NR6A1: variants seen among roughly 807,000 people sequenced by gnomAD.
The protein encoded by NR6A1 is nuclear receptor subfamily 6 group A member 1.
Under a neutral mutation model 59.1 loss-of-function variants are expected in NR6A1, and 7 were observed. The ratio of observed to expected loss-of-function variants is 0.12; its 90% CI spans 0.07 to 0.22. The LOEUF is 0.22. Ranked by LOEUF, NR6A1 falls within the 10% of genes least tolerant of loss-of-function variation. NR6A1 has a pLI of 1.00. For synonymous variants in NR6A1, 243 were observed against 236.1 expected (o/e 1.03, Z -0.27); for missense variants, 468 against 611.6 (o/e 0.77, Z 2.48).
At chr9:124,588,386 C>T (rs1834996182) in intron 2 of NR6A1, among the ~76,000 whole-genome samples, 1 of 151,968 alleles carries the variant, frequency 6.6e-6, no homozygotes, top group East Asian at 2.0e-4. Flanking sequence ...CCACTCACTG[C>T]AAGCTCTGCC....
At chr9:124,730,893 A>G (rs1471009861) in intron 2 of NR6A1, among the ~76,000 whole-genome samples, 1 of 152,214 alleles carries the variant, frequency 6.6e-6, no homozygotes. Context: ...CTGATAACAT[A>G]CAAGAACAAG....
chr9:124,541,607 T>C (rs900156858), intron 4 of NR6A1, among the ~76,000 whole-genome samples: 1 of 152,172 alleles, frequency 6.6e-6, no homozygotes, highest in African/African-American at 2.4e-5. Context: ...GCAACCACTA[T>C]GGAAAACAGC....
At chr9:124,531,597 AC>A (rs1399069398) in intron 7 of NR6A1, among the ~76,000 whole-genome samples, 1 of 152,118 alleles carries the variant, frequency 6.6e-6, no homozygotes, top group Non-Finnish European at 1.5e-5. Flanking sequence ...CCAGTGGTTA[AC>A]CTGACTCTAG....
intron 2 of NR6A1, among the ~76,000 whole-genome samples, chr9:124,601,890 G>A (rs892688731): frequency 2.0e-5 from 3 of 151,992 alleles, no homozygotes; most frequent in Non-Finnish European, 2.9e-5. Flanking sequence ...GGAGGTTGCA[G>A]TGAACTGTGA....
At chr9:124,758,282 C>T (rs190431106) in intron 1 of NR6A1, among the ~76,000 whole-genome samples, 280 of 152,310 alleles carry the variant, frequency 1.8e-3, no homozygotes, top group African/African-American at 5.9e-3. Flanking sequence ...CCCCCATGCA[C>T]CTCTCCCCTT....
intron 2 of NR6A1, among the ~76,000 whole-genome samples, chr9:124,679,737 A>G (rs1385910418): frequency 6.7e-6 from 1 of 148,344 alleles, no homozygotes; most frequent in African/African-American, 2.5e-5. Context: ...TAAAAATACA[A>G]AAAAAAAAAA....
At chr9:124,706,386 C>T (rs1457305486) in intron 2 of NR6A1, among the ~76,000 whole-genome samples, 1 of 152,176 alleles carries the variant, frequency 6.6e-6, no homozygotes, top group East Asian at 1.9e-4. Context: ...TCTGGTATCA[C>T]TCCCTTTCAG....
At chr9:124,668,116 T>C (rs530883139) in intron 2 of NR6A1, among the ~76,000 whole-genome samples, 5 of 152,340 alleles carry the variant, frequency 3.3e-5, no homozygotes, top group African/African-American at 9.6e-5. Context: ...AGTTGGTTAA[T>C]ACATATTTTA....
chr9:124,695,044 A>G (rs1319875761), intron 2 of NR6A1, among the ~76,000 whole-genome samples: 1 of 152,242 alleles, frequency 6.6e-6, no homozygotes, highest in African/African-American at 2.4e-5. Context: ...AGCTGGAAGC[A>G]AAGTAAATAA....
chr9:124,678,248 C>G (rs765483087), intron 2 of NR6A1, among the ~76,000 whole-genome samples: 1 of 152,210 alleles, frequency 6.6e-6, no homozygotes, highest in South Asian at 2.1e-4. Flanking sequence ...GATTCCTACA[C>G]GGTCTTAGCC....
Position 124,518,723 on chromosome 9 carries a change from CG to C in NR6A1, c.*3981del, listed in dbSNP as rs1832738355. On this transcript the variant is annotated 3_prime_UTR_variant, in exon 10 of 10. Coordinates refer to ENST00000487099, the MANE Select transcript of NR6A1 (RefSeq NM_033334.4). ...GGGGGAGGCAGGGGAGTAAGAGTAGCGGATTTTTTTGTTAAATTTTGTTTGT... is the reference window on the plus strand; with the variant it reads ...GGGGGAGGCAGGGGAGTAAGAGTAGCGATTTTTTTGTTAAATTTTGTTTGT... 1 of 148,692 alleles carries C rather than the reference CG, an allele frequency of 6.7e-6. No individual in the cohort carries two copies. The highest frequency in any genetic ancestry group is 2.5e-5 in the African/African-American group (1 of 40,326). 9.2% of individuals were successfully genotyped at this position (148,692 alleles called of 1,614,324 possible).
intron 7 of NR6A1, among the ~76,000 whole-genome samples, chr9:124,535,055 C>T (rs188509375): frequency 0.01 from 1,566 of 151,812 alleles, 25 homozygotes; most frequent in African/African-American, 0.036. Context: ...AACCGGGAGG[C>T]GGAGCTTGCA....
At chr9:124,668,140 T>TTA (rs1191014356) in intron 2 of NR6A1, among the ~76,000 whole-genome samples, 2 of 152,226 alleles carry the variant, frequency 1.3e-5, no homozygotes, top group Non-Finnish European at 2.9e-5. Flanking sequence ...GTTATATGTG[T>TTA]TATATATTGT....
chr9:124,552,582 G>A (rs968735093), intron 3 of NR6A1, among the ~76,000 whole-genome samples: 5 of 152,158 alleles, frequency 3.3e-5, no homozygotes, highest in Non-Finnish European at 7.4e-5. Context: ...GTCCGTGTCC[G>A]TATTAAGCAG....
chr9:124,668,884 G>T lies in NR6A1; in HGVS notation c.142+64424C>A, dbSNP rs974467735. Among the ~76,000 whole-genome samples the T allele has an allele frequency of 8.5e-5, 13 of 152,072 alleles. No individual in the cohort carries two copies. The East Asian group carries it at 2.3e-3, about 27-fold the overall frequency. On this transcript the variant is annotated intron_variant, in intron 2 of 9. Coordinates refer to ENST00000487099, the MANE Select transcript of NR6A1 (RefSeq NM_033334.4). Reference sequence around the variant, plus strand: ...ACTGAGAATGTGCTATACATAATTAGCTGCTACCCAAATATAATACAGTTT... The same window carrying T: ...ACTGAGAATGTGCTATACATAATTATCTGCTACCCAAATATAATACAGTTT...
chr9:124,599,594 C>T lies in NR6A1; in HGVS notation c.143-45024G>A, dbSNP rs973567741. 41 of 1,161,350 alleles carry T rather than the reference C, an allele frequency of 3.5e-5. No individual in the cohort carries two copies. The Admixed American group carries it at 1.2e-3, about 35-fold the overall frequency. 71.9% of individuals were successfully genotyped at this position (1,161,350 alleles called of 1,614,324 possible). ...GGCAGCCGCCATGAGGGCGCGGCGG[C>T]GGCGGCCGCTCGGCTGAGTCGGTCG... On this transcript the variant is annotated intron_variant, in intron 2 of 9. Coordinates refer to ENST00000487099, the MANE Select transcript of NR6A1 (RefSeq NM_033334.4).
chr9:124,731,910 G>T (rs558056295), intron 2 of NR6A1, among the ~76,000 whole-genome samples: 1 of 152,006 alleles, frequency 6.6e-6, no homozygotes, highest in East Asian at 1.9e-4. Flanking sequence ...CTGTGCAGGG[G>T]GTTGTCATCC....
intron 2 of NR6A1, among the ~76,000 whole-genome samples, chr9:124,592,058 G>A (rs574987376): frequency 1.4e-4 from 22 of 152,254 alleles, no homozygotes; most frequent in African/African-American, 4.3e-4. Flanking sequence ...TGGTGGTCGC[G>A]GGGTGGGAGA....
At chr9:124,721,217 A>G (rs1839553809) in intron 2 of NR6A1, among the ~76,000 whole-genome samples, 5 of 152,226 alleles carry the variant, frequency 3.3e-5, no homozygotes, top group African/African-American at 4.8e-5. Context: ...TTTGAATGCA[A>G]CTATCTTTTC....
Sources: allele counts gnomAD v4.1 joint callset (sites outside exome capture counted in the v4.1 genomes callset), GRCh38; gene constraint gnomAD v4.1.1; transcripts MANE v1.5; gene names NCBI Gene and HGNC (gene_info 2026-07-23, HGNC 2026-07-21).